ADGRV1: variants seen among roughly 807,000 people sequenced by gnomAD.
ADGRV1 encodes adhesion G protein-coupled receptor V1.
A neutral mutation model predicts 596.2 loss-of-function variants in ADGRV1; 359 were observed. The observed-to-expected ratio is 0.60, with a 90% CI of 0.55 to 0.66. The LOEUF (loss-of-function observed/expected upper bound fraction) is 0.66, where lower values mean the gene tolerates loss of function less well. ADGRV1 is among the 30% of genes least tolerant of loss of function. The probability of loss-of-function intolerance (pLI) is 0.00; values close to 1 mark genes in which losing one functional copy is unlikely to be tolerated. For missense variants in ADGRV1, 7,274 were observed against 7,575.6 expected, an observed-to-expected ratio of 0.96 and a Z score of 1.48; for synonymous variants, 2,681 against 2,679.2, an observed-to-expected ratio of 1.00 and a Z score of -0.02.
intron 84 of ADGRV1, among the ~76,000 whole-genome samples, chr5:90,968,274 A>G (rs940142837): frequency 6.6e-6 from 1 of 152,228 alleles, no homozygotes; most frequent in Non-Finnish European, 1.5e-5. Flanking sequence ...CTTTTCTAAA[A>G]GTAGAGTAAA....
At chr5:90,967,172 A>G (rs1197645415) in intron 84 of ADGRV1, among the ~76,000 whole-genome samples, 15 of 152,214 alleles carry the variant, frequency 9.9e-5, no homozygotes, top group Admixed American at 1.3e-4. Context: ...AGTTGAAACA[A>G]GTGGCACCCT....
intron 86 of ADGRV1, among the ~76,000 whole-genome samples, chr5:91,080,588 C>CAAAAAAAAAAAAAAAAA (rs10696264): frequency 1.2e-5 from 1 of 84,488 alleles, no homozygotes; most frequent in African/African-American, 4.9e-5. Flanking sequence ...GCACACCCTG[C>CAAAAAAAAAAAAAAAAA]AAAAAAAAAA....
intron 85 of ADGRV1, among the ~76,000 whole-genome samples, chr5:91,057,148 A>T (rs976133404): frequency 8.5e-5 from 13 of 152,326 alleles, no homozygotes; most frequent in African/African-American, 2.9e-4. Context: ...AGCAGCCCTG[A>T]CCTTTACGAA....
intron 1 of ADGRV1, among the ~76,000 whole-genome samples, chr5:90,577,902 G>T (rs1757449799): frequency 6.6e-6 from 1 of 152,140 alleles, no homozygotes; most frequent in African/African-American, 2.4e-5. Context: ...ATTCACTCAT[G>T]ATTTGGCTCT....
intron 54 of ADGRV1, among the ~76,000 whole-genome samples, chr5:90,754,497 A>G (rs1223562881): frequency 1.3e-5 from 2 of 152,208 alleles, no homozygotes; most frequent in Non-Finnish European, 2.9e-5. Flanking sequence ...ACAATGAAAT[A>G]AAAGTTAGGT....
chr5:90,997,208 C>A (rs898900534), intron 85 of ADGRV1, among the ~76,000 whole-genome samples: 2 of 152,112 alleles, frequency 1.3e-5, no homozygotes, highest in African/African-American at 4.8e-5. Context: ...CCACTCAAAT[C>A]TCACGTTGAA....
intron 74 of ADGRV1, among the ~76,000 whole-genome samples, chr5:90,813,334 C>A (rs1762625389): frequency 6.6e-6 from 1 of 151,948 alleles, no homozygotes; most frequent in Admixed American, 6.6e-5. Flanking sequence ...CCAAGCCATA[C>A]TCCATTAATT....
chr5:91,135,039 G>A (rs570157688), intron 87 of ADGRV1, among the ~76,000 whole-genome samples: 130 of 151,978 alleles, frequency 8.6e-4, no homozygotes, highest in Non-Finnish European at 1.5e-3. Flanking sequence ...AAAATTAGCT[G>A]GGCATTTGGC....
intron 82 of ADGRV1, among the ~76,000 whole-genome samples, chr5:90,861,456 C>T (rs945300990): frequency 5.3e-5 from 8 of 151,888 alleles, no homozygotes; most frequent in Admixed American, 1.3e-4. Flanking sequence ...ACTACAGGTG[C>T]GTGCCACCAT....
intron 85 of ADGRV1, among the ~76,000 whole-genome samples, chr5:90,992,531 C>T (rs762748317): frequency 2.2e-4 from 34 of 152,174 alleles, no homozygotes. Context: ...ATCCAATCTC[C>T]GTGTAGTTCT....
At chr5:90,821,125 T>G (rs1400316310) in intron 75 of ADGRV1, among the ~76,000 whole-genome samples, 2 of 152,120 alleles carry the variant, frequency 1.3e-5, no homozygotes, top group Admixed American at 6.5e-5. Context: ...CTTTCTATTC[T>G]TTTTTCTCTA....
At chr5:91,087,789 A>T (rs1461408836) in intron 86 of ADGRV1, among the ~76,000 whole-genome samples, 3 of 152,214 alleles carry the variant, frequency 2.0e-5, no homozygotes, top group African/African-American at 7.2e-5. Flanking sequence ...CAATTTACAG[A>T]TGAGGAAATT....
chr5:90,936,310 G>GCA (rs1217587153), intron 83 of ADGRV1, among the ~76,000 whole-genome samples: 2 of 151,710 alleles, frequency 1.3e-5, no homozygotes, highest in African/African-American at 4.8e-5. Flanking sequence ...ACACATACAT[G>GCA]CACATACACA....
At chr5:90,686,311 C>T (rs1745637030) in intron 29 of ADGRV1, among the ~76,000 whole-genome samples, 2 of 151,800 alleles carry the variant, frequency 1.3e-5, no homozygotes, top group African/African-American at 2.4e-5. Context: ...TGTGCTGCAC[C>T]CATTAACTCA....
chr5:90,629,148 C>T, intron 8 of ADGRV1, 62 bp from the exon 9 acceptor site: 4 of 857,106 alleles, frequency 4.7e-6, no homozygotes, highest in Non-Finnish European at 6.6e-6. Flanking sequence ...ATGGAAAATA[C>T]AGAGTTTGAT....
chr5:90,705,908 A>G (rs1199775788), intron 37 of ADGRV1, among the ~76,000 whole-genome samples: 1 of 152,172 alleles, frequency 6.6e-6, no homozygotes, highest in Admixed American at 6.5e-5. Context: ...AAATGGTAGC[A>G]CAAAAGACCA....
chr5:90,565,266 T>C (rs1336254342), intron 1 of ADGRV1, among the ~76,000 whole-genome samples: 1 of 152,138 alleles, frequency 6.6e-6, no homozygotes, highest in East Asian at 1.9e-4. Context: ...CCATCACCAC[T>C]GTCTATTCCA....
chr5:90,925,617 C>T (rs984042453), intron 83 of ADGRV1, among the ~76,000 whole-genome samples: 2 of 150,704 alleles, frequency 1.3e-5, no homozygotes, highest in African/African-American at 4.9e-5. Context: ...ACTGAATACC[C>T]TTTATTTCCT....
At chr5:91,142,432 A>T (rs1441593305) in intron 87 of ADGRV1, among the ~76,000 whole-genome samples, 1 of 152,204 alleles carries the variant, frequency 6.6e-6, no homozygotes, top group Admixed American at 6.5e-5. Context: ...TGAGTCCCTC[A>T]TACCACATTG....
Sources: allele counts gnomAD v4.1 joint callset (sites outside exome capture counted in the v4.1 genomes callset), GRCh38; gene constraint gnomAD v4.1.1; transcripts MANE v1.5; gene names NCBI Gene and HGNC (gene_info 2026-07-23, HGNC 2026-07-21).